The following CEP164 variants were observed in gnomAD, a reference collection of about 807,000 sequenced individuals.
CEP164 encodes centrosomal protein 164.
Under a neutral mutation model 182.7 loss-of-function variants are expected in CEP164, and 162 were observed. The ratio of observed to expected loss-of-function variants is 0.89; its 90% CI spans 0.78 to 1.01. CEP164 has a LOEUF of 1.01. CEP164 is among the 50% of genes least tolerant of loss of function. CEP164 has a pLI of 0.00. For missense variants in CEP164, 1,735 were observed against 1,790.4 expected (o/e 0.97, Z 0.56); for synonymous variants, 661 against 690.0 (o/e 0.96, Z 0.66).
At chr11:117,351,489 C>G (rs2039614982) in intron 4 of CEP164, among the ~76,000 whole-genome samples, 2 of 152,180 alleles carry the variant, frequency 1.3e-5, no homozygotes, top group South Asian at 4.1e-4. Context: ...CTACACTAGT[C>G]CAGCCTGCAT....
intron 5 of CEP164, among the ~76,000 whole-genome samples, chr11:117,360,160 C>T (rs1235594322): frequency 6.6e-6 from 1 of 151,888 alleles, no homozygotes; most frequent in African/African-American, 2.4e-5. Context: ...CAGACAGGGT[C>T]ATTTTTATTT....
At position 117,373,838 on chromosome 11, in the gene CEP164, T is replaced by C. The variant is rs770033715; in HGVS notation, c.1233+7T>C. The C allele has an allele frequency of 2.5e-6, 4 of 1,612,816 alleles. No homozygotes were observed. The highest frequency in any genetic ancestry group is 2.2e-5 in the East Asian group (1 of 44,858). ...CAAGTCCTTCCATGGCCTGGTGAGT[T>C]TGAGATGAGGGCAGTAGAGTGGTGG... On this transcript the variant is annotated splice_region_variant and intron_variant, in intron 10 of 32. Coordinates refer to ENST00000278935, the MANE Select transcript of CEP164 (RefSeq NM_014956.5).
chr11:117,353,343 G>C (rs1306251400), intron 5 of CEP164, among the ~76,000 whole-genome samples: 1 of 152,142 alleles, frequency 6.6e-6, no homozygotes, highest in Admixed American at 6.5e-5. Flanking sequence ...CATTCCTCCA[G>C]ATGGAGAAAA....
intron 8 of CEP164, among the ~76,000 whole-genome samples, chr11:117,370,568 G>T (rs1364327414): frequency 1.3e-5 from 2 of 152,166 alleles, no homozygotes; most frequent in Admixed American, 1.3e-4. Flanking sequence ...AATCACTATA[G>T]AAATTCTGAT....
rs746009989 is a variant in CEP164, at chr11:117,362,537, A to G, written c.686A>G (p.Gln229Arg). 1 of 1,613,190 alleles carries G rather than the reference A, an allele frequency of 6.2e-7. No homozygotes were observed. Among genetic ancestry groups the G allele is most frequent in the South Asian group, 1.1e-5 (1 of 91,010 alleles). The change falls in exon 7 of 33, where the codon CAG (glutamine) becomes CGG (arginine). Residue 229 changes from glutamine (Q) to arginine (R), a missense_variant and splice_region_variant. Coordinates refer to ENST00000278935, the MANE Select transcript of CEP164 (RefSeq NM_014956.5). Reference sequence around the variant, plus strand: ...GAGGATGAGGAGGAAAGTGACAACCAGGTAATGATGAAGTCCTCTCCCTGG... The same window carrying G: ...GAGGATGAGGAGGAAAGTGACAACCGGGTAATGATGAAGTCCTCTCCCTGG... ...NEEDEEESDN[Q>R]SVHSSSEPLR...
intron 14 of CEP164, among the ~76,000 whole-genome samples, chr11:117,383,673 G>C (rs1229820112): frequency 1.3e-5 from 2 of 152,132 alleles, no homozygotes; most frequent in East Asian, 3.8e-4. Context: ...GTTTTCAGAC[G>C]AGGAAACTGA....
In CEP164 at chr11:117,380,467, C is replaced by T; in HGVS notation, c.1318-147C>T. ...GGGGAAGCTTCACTGTGCAGTAGAT[C>T]AACCTTCTGTTCTACGTCCCGTATG... On this transcript the variant is annotated intron_variant, in intron 11 of 32. Coordinates refer to ENST00000278935, the MANE Select transcript of CEP164 (RefSeq NM_014956.5). 3 of 651,448 alleles carry T rather than the reference C, an allele frequency of 4.6e-6. No individual in the cohort carries two copies. In the East Asian group the frequency reaches 8.3e-5, roughly 18 times the overall value. The allele number at this position is 651,448 out of a possible 1,614,324, so 40.4% of individuals were successfully genotyped here.
rs141487284 is a variant in CEP164 at position 117,407,994 on chromosome 11, G to C, written c.3571G>C (p.Glu1191Gln). 1.2e-5 allele frequency: 20 copies of C among 1,600,348 alleles called. No homozygotes were observed. Among genetic ancestry groups the C allele is most frequent in the Non-Finnish European group, 1.7e-5 (20 of 1,173,488 alleles). The change falls in exon 28 of 33, where the codon GAG (glutamate) becomes CAG (glutamine). Residue 1191 changes from glutamate (E) to glutamine (Q), a missense_variant. Glu to Gln is a conservative substitution (Grantham distance 29). Transcript: ENST00000278935. ...KGHNLLKKKE[E>Q]KLNQLESSLW... is the part of the protein sequence containing the mutation. ...CCACAACCTGCTGAAGAAGAAAGAG[G>C]AGAAGCTGAATCAGTTGGAGTCCTC...
chr11:117,368,714 A>G (rs960293398), intron 8 of CEP164, among the ~76,000 whole-genome samples: 3 of 152,166 alleles, frequency 2.0e-5, no homozygotes, highest in African/African-American at 7.2e-5. Context: ...ACTGGATATG[A>G]GCTTCTGCTG....
In CEP164 at chr11:117,409,735, C is replaced by G. The variant is rs758693012; in HGVS notation, c.3866C>G (p.Ser1289Trp). The change falls in exon 30 of 33, where the codon TCG (serine) becomes TGG (tryptophan). Residue 1289 changes from serine to tryptophan, a missense_variant. Physicochemically the swap from Ser to Trp is radical, Grantham distance 177. Coordinates refer to ENST00000278935, the MANE Select transcript of CEP164 (RefSeq NM_014956.5). This position sits in a 1 kb window ranked among gnomAD's most constrained non-coding sequence, Gnocchi z 4.4. ...LSILDSLNPQ[S>W]PPPLLASMPA... is the part of the protein sequence containing the mutation. ...ATCCTGGACAGCCTCAACCCTCAGT[C>G]GCCGCCGCCGCTCCTCGCCTCCATG... The G allele has an allele frequency of 1.7e-5, 28 of 1,613,850 alleles. No homozygotes were observed. Among genetic ancestry groups the G allele is most frequent in the African/African-American group, 2.7e-5 (2 of 74,934 alleles).
At chr11:117,357,428 T>C (rs2040430739) in intron 5 of CEP164, among the ~76,000 whole-genome samples, 1 of 91,594 alleles carries the variant, frequency 1.1e-5, no homozygotes, top group Non-Finnish European at 2.3e-5. Flanking sequence ...ATATTCTTTT[T>C]TTTTTTTTTT....
chr11:117,380,054 T>C (rs868132776), intron 11 of CEP164, among the ~76,000 whole-genome samples: 1 of 152,006 alleles, frequency 6.6e-6, no homozygotes, highest in African/African-American at 2.4e-5. Flanking sequence ...TTTGTCTTCC[T>C]TCCTCCAGGT....
chr11:117,370,344 A>G (rs2042080497), intron 8 of CEP164, among the ~76,000 whole-genome samples: 1 of 152,154 alleles, frequency 6.6e-6, no homozygotes, highest in African/African-American at 2.4e-5. Flanking sequence ...AAAAATAGAA[A>G]ATTGAGACTT....
intron 1 of CEP164, among the ~76,000 whole-genome samples, chr11:117,332,241 G>A (rs2036338421): frequency 3.3e-5 from 5 of 152,108 alleles, no homozygotes; most frequent in Admixed American, 3.3e-4. Flanking sequence ...TCAGAAGTTT[G>A]TGGTTTAACA....
Position 117,341,931 on chromosome 11 carries a change from T to C in CEP164, c.83-2235T>C, listed in dbSNP as rs2038186773. 3.3e-5 allele frequency among the ~76,000 whole-genome samples: 5 copies of C among 152,118 alleles called. No homozygotes were observed. The South Asian group carries it at 1.0e-3, about 32-fold the overall frequency. ...TGGCCATAATTTTTATTATTGTTATTATTATTTTGAGATGGAGTTTCACTC... is the reference window on the plus strand; with the variant it reads ...TGGCCATAATTTTTATTATTGTTATCATTATTTTGAGATGGAGTTTCACTC... On this transcript the variant is annotated intron_variant, in intron 3 of 32. Transcript: ENST00000278935.
At chr11:117,344,098 A>G (rs2038532671) in intron 3 of CEP164, 68 bp from the exon 4 acceptor site, 3 of 858,062 alleles carry the variant, frequency 3.5e-6, no homozygotes, top group African/African-American at 1.7e-5. Flanking sequence ...GACAAAGTAG[A>G]AAAAAGATTG....
Position 117,409,864 on chromosome 11 carries a change from C to T in CEP164, c.3995C>T (p.Thr1332Ile), listed in dbSNP as rs760788324. The change falls in exon 30 of 33, where the codon ACC becomes ATC. Residue 1332 changes from threonine to isoleucine, a missense_variant. Thr to Ile is a moderately conservative substitution (Grantham distance 89). Transcript: ENST00000278935. This position sits in a 1 kb window ranked among gnomAD's most constrained non-coding sequence, Gnocchi z 4.4. ...TTATCATCTGCTACACCCACGTCCA[C>T]CCAATGGGCCTGGGATTCAGGGCAG... ...SALSSATPTSTQWAWDSGQGP... is the reference protein window; with the variant it reads ...SALSSATPTSIQWAWDSGQGP... 6.8e-6 allele frequency: 11 copies of T among 1,613,748 alleles called. No homozygotes were observed. In the South Asian group the frequency reaches 1.2e-4, roughly 18 times the overall value.
intron 9 of CEP164, among the ~76,000 whole-genome samples, chr11:117,373,531 C>G (rs2042431625): frequency 6.6e-6 from 1 of 152,210 alleles, no homozygotes; most frequent in Non-Finnish European, 1.5e-5. Context: ...GTGGTTGTCT[C>G]TACTCAGCGG....
rs760784490 is a variant in CEP164, at chr11:117,354,897, C to G, written c.393+2909C>G. On this transcript the variant is annotated intron_variant, in intron 5 of 32. Transcript: ENST00000278935. ...CAAGTGTAAATCAGAAGTGCTTTGT[C>G]TTCGTTTTCTCTGCATGTTTATATA... 1.2e-5 allele frequency: 15 copies of G among 1,228,298 alleles called. No individual in the cohort carries two copies. In the Admixed American group the frequency reaches 3.5e-4, roughly 29 times the overall value. The allele number at this position is 1,228,298 out of a possible 1,614,324, so 76.1% of individuals were successfully genotyped here.
Sources: gnomAD v4.1 joint callset for allele counts (sites outside exome capture counted in the v4.1 genomes callset) on GRCh38, gnomAD v4.1.1 for gene constraint, Gnocchi (gnomAD v3.1) non-coding constraint, MANE v1.5 for transcripts, NCBI Gene and HGNC (gene_info 2026-07-23, HGNC 2026-07-21) for gene names.